The following ABI1 variants were observed in gnomAD, a reference collection of about 807,000 sequenced individuals.
ABI1 encodes Abelson interactor 1.
In ABI1, 14 loss-of-function variants were observed where a neutral mutation model predicts 54.6. The observed-to-expected ratio is 0.26, with a 90% CI of 0.17 to 0.40. The LOEUF (loss-of-function observed/expected upper bound fraction) is 0.40. ABI1 is among the 10% of genes least tolerant of loss of function. The pLI is 1.00. For synonymous variants in ABI1, 194 were observed against 209.3 expected (o/e 0.93, Z 0.63); for missense variants, 443 against 598.3 (o/e 0.74, Z 2.71).
At chr10:26,839,014 G>C (rs1004614746) in intron 1 of ABI1, among the ~76,000 whole-genome samples, 1 of 152,150 alleles carries the variant, frequency 6.6e-6, no homozygotes, top group Admixed American at 6.5e-5. Context: ...TAATTCACTG[G>C]GAGGGTAAAG....
At chr10:26,794,514 G>A (rs1843879449) in intron 2 of ABI1, among the ~76,000 whole-genome samples, 2 of 151,614 alleles carry the variant, frequency 1.3e-5, no homozygotes, top group African/African-American at 2.4e-5. Context: ...TTTAATAGGT[G>A]GTTGTACCAT....
chr10:26,771,495 G>A (rs927949057), intron 3 of ABI1, among the ~76,000 whole-genome samples: 2 of 152,076 alleles, frequency 1.3e-5, no homozygotes, highest in Admixed American at 1.3e-4. Context: ...ACACTTTACT[G>A]GATAATGAAT....
chr10:26,828,228 TACA>T lies in ABI1; in HGVS notation c.118-4926_118-4924del, dbSNP rs1200683046. On this transcript the variant is annotated intron_variant, in intron 1 of 10. Transcript: ENST00000376140. Reference sequence around the variant, plus strand: ...GTCAGTTGGTGGTACAGTCAGAACATACAACAATTACTAAGTTCACCATCTCAC... The same window carrying T: ...GTCAGTTGGTGGTACAGTCAGAACATACAATTACTAAGTTCACCATCTCAC... Among the ~76,000 whole-genome samples the T allele has an allele frequency of 3.3e-5, 5 of 152,254 alleles. No homozygotes were observed. The East Asian group carries it at 9.6e-4, about 29-fold the overall frequency.
chr10:26,859,711 T>C (rs2051139162), intron 1 of ABI1, among the ~76,000 whole-genome samples: 1 of 152,230 alleles, frequency 6.6e-6, no homozygotes, highest in Non-Finnish European at 1.5e-5. Flanking sequence ...TTTTACGTTG[T>C]AGTTCAGAGG....
intron 2 of ABI1, among the ~76,000 whole-genome samples, chr10:26,795,100 C>T (rs1843974005): frequency 6.6e-6 from 1 of 150,560 alleles, no homozygotes; most frequent in Admixed American, 6.6e-5. Flanking sequence ...GCCAAGATCG[C>T]ACCACTGCAC....
At chr10:26,761,108 A>G (rs190357933) in intron 7 of ABI1, among the ~76,000 whole-genome samples, 1 of 151,662 alleles carries the variant, frequency 6.6e-6, no homozygotes, top group East Asian at 2.0e-4. Context: ...AAACCCATCT[A>G]ATTTTTTATG....
intron 2 of ABI1, among the ~76,000 whole-genome samples, chr10:26,805,248 G>A (rs1314661526): frequency 4.6e-5 from 7 of 152,070 alleles, no homozygotes; most frequent in Non-Finnish European, 8.8e-5. Context: ...TCCATTTCCA[G>A]ACTTTAAAGC....
At position 26,747,409 on chromosome 10, in the gene ABI1, A is replaced by G. The variant is rs1298604784; in HGVS notation, c.*1161T>C. ...ATCTCTGTTCACTGATTAATACATG[A>G]CCCACCTTCTTTCCCAATTATTTTA... On this transcript the variant is annotated 3_prime_UTR_variant, in exon 11 of 11. Coordinates refer to ENST00000376140, the MANE Select transcript of ABI1 (RefSeq NM_001012750.3). 4.5e-6 allele frequency: 1 copy of G among 222,558 alleles called. No individual in the cohort carries two copies. The highest frequency in any genetic ancestry group is 9.0e-6 in the Non-Finnish European group (1 of 111,372). The allele number at this position is 222,558 out of a possible 1,614,324, so 13.8% of individuals were successfully genotyped here. A position where few individuals can be genotyped will look rare whatever the true frequency, so the allele number is the denominator to read the frequency against.
intron 3 of ABI1, 152 bp from the exon 4 acceptor site, chr10:26,771,241 T>A: frequency 2.6e-6 from 2 of 770,128 alleles, no homozygotes; most frequent in Middle Eastern, 2.5e-4. Flanking sequence ...GAAAAAGAGA[T>A]CCATACGTAC....
At chr10:26,849,817 T>G (rs758811528) in intron 1 of ABI1, among the ~76,000 whole-genome samples, 1 of 152,220 alleles carries the variant, frequency 6.6e-6, no homozygotes, top group African/African-American at 2.4e-5. Context: ...GTGATTGCAA[T>G]TTTTTCACAT....
intron 2 of ABI1, among the ~76,000 whole-genome samples, chr10:26,785,186 G>A (rs1016632514): frequency 5.3e-5 from 8 of 152,176 alleles, no homozygotes; most frequent in African/African-American, 1.9e-4. Context: ...CATAATCATG[G>A]GAAAGAAATC....
intron 9 of ABI1, among the ~76,000 whole-genome samples, chr10:26,752,574 A>C (rs1837772595): frequency 6.6e-6 from 1 of 152,180 alleles, no homozygotes; most frequent in Non-Finnish European, 1.5e-5. Flanking sequence ...TCAACAATTA[A>C]GATTTAAACA....
chr10:26,765,033 GA>G (rs1221062142), intron 7 of ABI1, among the ~76,000 whole-genome samples, 184 bp downstream of exon 7: 1 of 141,088 alleles, frequency 7.1e-6, no homozygotes, highest in Non-Finnish European at 1.5e-5. Context: ...AACAGCTGGT[GA>G]AATCCTAAAG....
intron 1 of ABI1, among the ~76,000 whole-genome samples, chr10:26,844,916 C>T (rs2049858775): frequency 6.6e-6 from 1 of 152,186 alleles, no homozygotes; most frequent in African/African-American, 2.4e-5. Context: ...AGTCCTCTAA[C>T]TGGTCACTGT....
intron 1 of ABI1, among the ~76,000 whole-genome samples, chr10:26,849,337 A>C (rs924726888): frequency 6.6e-6 from 1 of 152,232 alleles, no homozygotes; most frequent in South Asian, 2.1e-4. Context: ...AGGTTTAAAA[A>C]AGCCGGTTTC....
chr10:26,789,518 T>A (rs1016732918), intron 2 of ABI1, among the ~76,000 whole-genome samples: 1 of 152,208 alleles, frequency 6.6e-6, no homozygotes, highest in African/African-American at 2.4e-5. Flanking sequence ...AACTGTTTAA[T>A]CCCCTTTTCA....
intron 7 of ABI1, chr10:26,763,836 T>C: frequency 6.5e-7 from 1 of 1,530,340 alleles, no homozygotes; most frequent in South Asian, 1.1e-5. Flanking sequence ...TATTATGAAT[T>C]ATGTAAAGTG....
intron 2 of ABI1, among the ~76,000 whole-genome samples, chr10:26,809,311 A>C (rs2047074292): frequency 6.6e-6 from 1 of 151,780 alleles, no homozygotes; most frequent in Non-Finnish European, 1.5e-5. Context: ...TAATCCCTAC[A>C]CTTTGGGACA....
chr10:26,761,803 G>A (rs1320833140), intron 7 of ABI1, among the ~76,000 whole-genome samples: 1 of 150,652 alleles, frequency 6.6e-6, no homozygotes, highest in East Asian at 1.9e-4. Context: ...CATCCATGTG[G>A]CTATGCATAT....
Sources: allele counts gnomAD v4.1 joint callset (sites outside exome capture counted in the v4.1 genomes callset), GRCh38; gene constraint gnomAD v4.1.1; transcripts MANE v1.5; gene names NCBI Gene and HGNC (gene_info 2026-07-23, HGNC 2026-07-21).